The following CNTN3 variants were observed in gnomAD, a reference collection of about 807,000 sequenced individuals.
The protein encoded by CNTN3 is contactin 3, also known as contactin-3.
CNTN3 carries 60 observed loss-of-function variants against 119.1 expected under a neutral mutation model. The observed-to-expected ratio is 0.50, with a 90% confidence interval of 0.41 to 0.62. The LOEUF (loss-of-function observed/expected upper bound fraction) is 0.62. Ranked by LOEUF, CNTN3 falls within the 20% of genes least tolerant of loss-of-function variation. CNTN3 has a pLI of 0.00. For synonymous variants in CNTN3, 450 were observed against 438.7 expected, an observed-to-expected ratio of 1.03 and a Z score of -0.32; for missense variants, 1,101 against 1,242.4, an observed-to-expected ratio of 0.89 and a Z score of 1.71.
At chr3:74,470,110 T>C (rs192851952) in intron 4 of CNTN3, among the ~76,000 whole-genome samples, 1 of 152,230 alleles carries the variant, frequency 6.6e-6, no homozygotes, top group African/African-American at 2.4e-5. Flanking sequence ...ATTCCGTGTA[T>C]ATAAAATGTC....
chr3:74,430,264 T>C (rs1701761510), intron 4 of CNTN3, among the ~76,000 whole-genome samples: 1 of 152,152 alleles, frequency 6.6e-6, no homozygotes, highest in Non-Finnish European at 1.5e-5. Flanking sequence ...TGTGAATGGC[T>C]AAATGCACAG....
chr3:74,311,501 C>T (rs1457714314), intron 13 of CNTN3, among the ~76,000 whole-genome samples: 1 of 152,194 alleles, frequency 6.6e-6, no homozygotes, highest in Non-Finnish European at 1.5e-5. Context: ...CTAAACTTTT[C>T]AATAACCCCA....
At chr3:74,327,173 G>C (rs1339178183) in intron 13 of CNTN3, among the ~76,000 whole-genome samples, 1 of 141,006 alleles carries the variant, frequency 7.1e-6, no homozygotes, top group African/African-American at 2.6e-5. Context: ...TGGTTGCCCA[G>C]GCTGGAGTGC....
intron 11 of CNTN3, among the ~76,000 whole-genome samples, chr3:74,354,082 T>C (rs1703878820): frequency 6.6e-6 from 1 of 152,138 alleles, no homozygotes; most frequent in South Asian, 2.1e-4. Flanking sequence ...AGCTTTTATC[T>C]ATGTGCAGGA....
intron 1 of CNTN3, among the ~76,000 whole-genome samples, chr3:74,576,306 C>T (rs556176349): frequency 4.6e-5 from 7 of 152,096 alleles, no homozygotes; most frequent in South Asian, 2.1e-4. Context: ...TGAACTTGAG[C>T]GTATCAAATA....
At chr3:74,322,627 C>A (rs139683942) in intron 13 of CNTN3, among the ~76,000 whole-genome samples, 2 of 152,282 alleles carry the variant, frequency 1.3e-5, no homozygotes, top group Admixed American at 6.5e-5. Context: ...TAAGATCCAG[C>A]AATCATGCTC....
At chr3:74,384,008 T>C (rs1010963144) in intron 5 of CNTN3, among the ~76,000 whole-genome samples, 1 of 152,208 alleles carries the variant, frequency 6.6e-6, no homozygotes, top group Non-Finnish European at 1.5e-5. Flanking sequence ...GCTCATGCCA[T>C]AGTCCTCAAT....
intron 2 of CNTN3, among the ~76,000 whole-genome samples, chr3:74,508,207 A>AGACT (rs1703299567): frequency 6.6e-6 from 1 of 152,120 alleles, no homozygotes; most frequent in Non-Finnish European, 1.5e-5. Flanking sequence ...GTTTTATAAG[A>AGACT]GACTCTTCTC....
At chr3:74,448,669 A>G (rs773487843) in intron 4 of CNTN3, among the ~76,000 whole-genome samples, 1 of 152,138 alleles carries the variant, frequency 6.6e-6, no homozygotes, top group Non-Finnish European at 1.5e-5. Flanking sequence ...TAACAAAATA[A>G]CATACACAGA....
chr3:74,312,010 G>T lies in CNTN3; in HGVS notation c.1669-9203C>A, dbSNP rs183096811. ...CTCCACGAAGAGCCAATCATAGGGG[G>T]TGCTGCACACTTGTGTTAATTTTGC... On this transcript the variant is annotated intron_variant, in intron 13 of 22. Coordinates refer to ENST00000263665, the MANE Select transcript of CNTN3 (RefSeq NM_020872.3). Among the ~76,000 whole-genome samples the T allele has an allele frequency of 1.4e-4, 21 of 152,246 alleles. No homozygotes were observed. In the East Asian group the frequency reaches 2.9e-3, roughly 21 times the overall value.
chr3:74,499,764 G>T lies in CNTN3; in HGVS notation c.77C>A (p.Pro26His). The T allele has an allele frequency of 6.2e-7, 1 of 1,607,442 alleles. No individual in the cohort carries two copies. Among genetic ancestry groups the T allele is most frequent in the Non-Finnish European group, 8.5e-7 (1 of 1,177,226 alleles). The change falls in exon 3 of 23, where the codon CCT becomes CAT. Residue 26 changes from proline (P) to histidine (H), a missense_variant. Pro to His is a moderately conservative substitution (Grantham distance 77, BLOSUM62 -2). Transcript: ENST00000263665. ...GTTGCTGGGTTCTTTGATAAATACA[G>T]GGCCTTGTAAGAGAAGCTCACCTAT... is the stretch of plus-strand genomic sequence containing the variant. ...CLGGELLLQGPVFIKEPSNSI... is the reference protein window; with the variant it reads ...CLGGELLLQGHVFIKEPSNSI...
chr3:74,301,854 ATCCTC>A (rs1284209650), intron 14 of CNTN3, 49 bp from the exon 15 acceptor site: 4 of 1,575,718 alleles, frequency 2.5e-6, no homozygotes, highest in Non-Finnish European at 2.6e-6. Context: ...CATAAATGTC[ATCCTC>A]TCCTATCAAA....
chr3:74,593,640 G>C (rs2106690933), intron 1 of CNTN3, among the ~76,000 whole-genome samples: 1 of 152,010 alleles, frequency 6.6e-6, no homozygotes, highest in East Asian at 1.9e-4. Context: ...GTTATGACAG[G>C]TTGATTATAC....
At chr3:74,598,389 C>T (rs1404486302) in intron 1 of CNTN3, among the ~76,000 whole-genome samples, 1 of 152,056 alleles carries the variant, frequency 6.6e-6, no homozygotes, top group African/African-American at 2.4e-5. Flanking sequence ...CAACCAACAC[C>T]ATATGGATCA....
intron 5 of CNTN3, among the ~76,000 whole-genome samples, chr3:74,393,813 C>T (rs1441833230): frequency 6.6e-6 from 1 of 152,168 alleles, no homozygotes; most frequent in African/African-American, 2.4e-5. Flanking sequence ...AATGTTGAAC[C>T]TGACCTTTCA....
At position 74,298,188 on chromosome 3, in the gene CNTN3, C is replaced by T; in HGVS notation, c.2170G>A (p.Val724Ile). Residue 724 changes from valine to isoleucine, a missense_variant, in exon 18 of 23, where the codon GTC (valine) becomes ATC (isoleucine). Val to Ile is a conservative substitution (Grantham distance 29, BLOSUM62 3). Coordinates refer to ENST00000263665, the MANE Select transcript of CNTN3 (RefSeq NM_020872.3). ...RSELVITWDP[V>I]PEELQNGEGF... Reference sequence around the variant, plus strand: ...TCACCATTCTGTAGTTCTTCAGGGACTGGCTATAAAGGAAAGACATACTGA... The same window carrying T: ...TCACCATTCTGTAGTTCTTCAGGGATTGGCTATAAAGGAAAGACATACTGA... 6.4e-7 allele frequency: 1 copy of T among 1,573,844 alleles called. No homozygotes were observed. Among genetic ancestry groups the T allele is most frequent in the Middle Eastern group, 1.7e-4 (1 of 5,840 alleles).
chr3:74,526,821 A>C (rs978979533), intron 1 of CNTN3, among the ~76,000 whole-genome samples: 8 of 151,756 alleles, frequency 5.3e-5, no homozygotes, highest in Admixed American at 2.6e-4. Flanking sequence ...CTTGACCCTC[A>C]ACACTTCTAA....
chr3:74,425,693 A>G (rs1466102352), intron 4 of CNTN3, among the ~76,000 whole-genome samples: 3 of 152,224 alleles, frequency 2.0e-5, no homozygotes, highest in Non-Finnish European at 4.4e-5. Flanking sequence ...TGTAATAATG[A>G]CCAACTATTC....
intron 4 of CNTN3, among the ~76,000 whole-genome samples, chr3:74,445,405 G>A (rs971089966): frequency 1.3e-5 from 2 of 152,070 alleles, no homozygotes; most frequent in African/African-American, 4.8e-5. Flanking sequence ...TGGGATTACA[G>A]GTGCCTGCCA....
Sources: gnomAD v4.1 joint callset for allele counts (sites outside exome capture counted in the v4.1 genomes callset) on GRCh38, gnomAD v4.1.1 for gene constraint, MANE v1.5 for transcripts, NCBI Gene and HGNC (gene_info 2026-07-23, HGNC 2026-07-21) for gene names.